GRM7: variants seen among roughly 807,000 people sequenced by gnomAD.
GRM7 encodes the protein metabotropic glutamate receptor 7.
Under a neutral mutation model 84.5 loss-of-function variants are expected in GRM7, and 35 were observed. The observed-to-expected ratio is 0.41, with a 90% CI of 0.32 to 0.55. The LOEUF is 0.55. Among genes scored for constraint, GRM7 ranks in the 20% least tolerant of loss-of-function variants. The pLI, the probability that GRM7 is intolerant of heterozygous loss-of-function variation, is 0.19. For synonymous variants in GRM7, 487 were observed against 455.1 expected, an observed-to-expected ratio of 1.07 and a Z score of -0.89; for missense variants, 1,003 against 1,194.6, an observed-to-expected ratio of 0.84 and a Z score of 2.36.
intron 8 of GRM7, among the ~76,000 whole-genome samples, chr3:7,675,786 A>C (rs928705378): frequency 6.6e-6 from 1 of 152,200 alleles, no homozygotes; most frequent in African/African-American, 2.4e-5. Context: ...TTAGATCTAA[A>C]CCCCAGAAAC....
chr3:6,964,897 C>CT (rs1460582977), intron 1 of GRM7, among the ~76,000 whole-genome samples: 2 of 152,168 alleles, frequency 1.3e-5, no homozygotes, highest in Non-Finnish European at 2.9e-5. Flanking sequence ...TCACTTGTCT[C>CT]TTTTTTTCTG....
intron 9 of GRM7, among the ~76,000 whole-genome samples, chr3:7,722,327 C>A (rs1351288902): frequency 6.6e-6 from 1 of 152,110 alleles, no homozygotes; most frequent in East Asian, 1.9e-4. Context: ...TTAGAAAAAC[C>A]TTAGAGTTGT....
chr3:7,452,603 G>A lies in GRM7; in HGVS notation c.1175-4G>A. On this transcript the variant is annotated splice_polypyrimidine_tract_variant and splice_region_variant and intron_variant, in intron 5 of 9. Coordinates refer to ENST00000357716, the MANE Select transcript of GRM7 (RefSeq NM_000844.4). ...GTGTGTGTGTTTCTTGTTTTAATGTGCAGGACAGGAGAGAATTGGAAAAGA... is the reference window on the plus strand; with the variant it reads ...GTGTGTGTGTTTCTTGTTTTAATGTACAGGACAGGAGAGAATTGGAAAAGA... The A allele has an allele frequency of 6.3e-7, 1 of 1,582,710 alleles. No individual in the cohort carries two copies.
intron 7 of GRM7, among the ~76,000 whole-genome samples, chr3:7,512,214 A>C (rs1466987285): frequency 6.6e-6 from 1 of 152,174 alleles, no homozygotes; most frequent in Non-Finnish European, 1.5e-5. Context: ...TACGAGCAAC[A>C]GTTTCAGTGG....
At chr3:6,969,352 G>A (rs898712076) in intron 1 of GRM7, among the ~76,000 whole-genome samples, 19 of 152,104 alleles carry the variant, frequency 1.2e-4, no homozygotes, top group African/African-American at 3.6e-4. Flanking sequence ...CTTCAAAATA[G>A]CAGGTAGTTA....
intron 1 of GRM7, among the ~76,000 whole-genome samples, chr3:6,931,789 T>A (rs1182319237): frequency 3.3e-5 from 5 of 152,242 alleles, no homozygotes; most frequent in Non-Finnish European, 7.3e-5. Flanking sequence ...TTTTGGCTAT[T>A]CCCTCATACT....
chr3:7,688,001 GT>G (rs565386171), intron 9 of GRM7, among the ~76,000 whole-genome samples: 96 of 152,010 alleles, frequency 6.3e-4, no homozygotes, highest in African/African-American at 2.2e-3. Flanking sequence ...GAGATTTCAA[GT>G]TTTTTTTGTA....
intron 1 of GRM7, among the ~76,000 whole-genome samples, chr3:7,131,052 C>T (rs928704090): frequency 3.9e-5 from 6 of 152,114 alleles, no homozygotes; most frequent in Non-Finnish European, 8.8e-5. Context: ...CTTTCCCTTC[C>T]AAAAGCTTTA....
At chr3:7,724,788 C>G (rs1036791127) in intron 9 of GRM7, among the ~76,000 whole-genome samples, 2 of 152,158 alleles carry the variant, frequency 1.3e-5, no homozygotes, top group African/African-American at 4.8e-5. Context: ...GAGACAGGGT[C>G]TCACTCTGTT....
chr3:7,254,422 A>G (rs957988196), intron 2 of GRM7, among the ~76,000 whole-genome samples: 2 of 152,208 alleles, frequency 1.3e-5, no homozygotes, highest in Non-Finnish European at 2.9e-5. Context: ...CCACATTGTA[A>G]GCATTCAGTA....
At chr3:7,547,448 T>C (rs182966400) in intron 7 of GRM7, among the ~76,000 whole-genome samples, 5 of 152,160 alleles carry the variant, frequency 3.3e-5, no homozygotes, top group Admixed American at 1.3e-4. Context: ...CCTCGTGATC[T>C]GCCCGCCTCG....
At chr3:6,969,837 T>C (rs1464681715) in intron 1 of GRM7, among the ~76,000 whole-genome samples, 1 of 152,138 alleles carries the variant, frequency 6.6e-6, no homozygotes, top group African/African-American at 2.4e-5. Flanking sequence ...ACTTGACACA[T>C]CGTATGTTCC....
At chr3:7,577,585 GC>G (rs1173969719) in intron 7 of GRM7, among the ~76,000 whole-genome samples, 1 of 152,132 alleles carries the variant, frequency 6.6e-6, no homozygotes, top group Non-Finnish European at 1.5e-5. Flanking sequence ...TGTTTCTAAT[GC>G]CATTATTTCT....
chr3:7,417,596 T>C (rs1209849619), intron 5 of GRM7, among the ~76,000 whole-genome samples: 2 of 152,078 alleles, frequency 1.3e-5, no homozygotes, highest in Admixed American at 1.3e-4. Context: ...GCTAGCTGAG[T>C]AGTCTGACAC....
intron 7 of GRM7, among the ~76,000 whole-genome samples, chr3:7,528,220 A>G (rs1700886006): frequency 6.6e-6 from 1 of 151,976 alleles, no homozygotes; most frequent in Non-Finnish European, 1.5e-5. Flanking sequence ...TGGTCTGTTG[A>G]GGGTTTCAGT....
intron 1 of GRM7, among the ~76,000 whole-genome samples, chr3:6,999,555 A>C (rs1694940204): frequency 6.6e-6 from 1 of 152,118 alleles, no homozygotes; most frequent in Non-Finnish European, 1.5e-5. Context: ...GTCCATTCTC[A>C]TGGTGCTATA....
rs143657971 is a variant in GRM7, at chr3:7,229,718, GAC to G, written c.737-68958_737-68957del. On this transcript the variant is annotated intron_variant, in intron 2 of 9. Transcript: ENST00000357716. Reference sequence around the variant, plus strand: ...TCCTTCCCCAACCCCGCTCTCCATAGACACACACATATATATATATATATATA... The same window carrying G: ...TCCTTCCCCAACCCCGCTCTCCATAGACACACATATATATATATATATATA... Among the ~76,000 whole-genome samples the G allele has an allele frequency of 4.5e-3, 246 of 55,198 alleles. 8 individuals carry two copies. Among genetic ancestry groups the G allele is most frequent in the East Asian group, 0.023 (8 of 348 alleles). The allele number at this position is 55,198 out of a possible 152,430, so 36.2% of individuals were successfully genotyped here.
chr3:7,386,793 G>T (rs1176493384), intron 4 of GRM7, among the ~76,000 whole-genome samples: 1 of 152,044 alleles, frequency 6.6e-6, no homozygotes, highest in Non-Finnish European at 1.5e-5. Flanking sequence ...CCAGTAATTG[G>T]GACTATTTGG....
intron 2 of GRM7, among the ~76,000 whole-genome samples, chr3:7,246,663 G>A (rs1224803978): frequency 6.6e-6 from 1 of 152,092 alleles, no homozygotes; most frequent in Non-Finnish European, 1.5e-5. Context: ...TGGGCCTTGT[G>A]TGTCTGAGCG....
Sources: gnomAD v4.1 joint callset for allele counts (sites outside exome capture counted in the v4.1 genomes callset) on GRCh38, gnomAD v4.1.1 for gene constraint, MANE v1.5 for transcripts, NCBI Gene and HGNC (gene_info 2026-07-23, HGNC 2026-07-21) for gene names.